The following ADTRP variants were observed in gnomAD, a reference collection of about 807,000 sequenced individuals.
ADTRP encodes androgen-dependent TFPI-regulating protein.
In ADTRP, 20 loss-of-function variants were observed where a neutral mutation model predicts 27.0. That is an observed-to-expected ratio of 0.74 (90% CI 0.52 to 1.08). The LOEUF (loss-of-function observed/expected upper bound fraction) is 1.08, where lower values mean the gene tolerates loss of function less well. ADTRP is among the 50% of genes least tolerant of loss of function. ADTRP has a pLI of 0.00. For missense variants in ADTRP, 251 were observed against 275.0 expected (o/e 0.91, Z 0.62); for synonymous variants, 101 against 105.2 (o/e 0.96, Z 0.25).
intron 3 of ADTRP, among the ~76,000 whole-genome samples, chr6:11,758,282 C>T (rs1033439644): frequency 6.6e-6 from 1 of 152,102 alleles, no homozygotes; most frequent in East Asian, 1.9e-4. Flanking sequence ...GTGCCCAGCA[C>T]ATGATGAGAT....
At chr6:11,739,541 A>G (rs2113912111) in intron 3 of ADTRP, among the ~76,000 whole-genome samples, 1 of 151,900 alleles carries the variant, frequency 6.6e-6, no homozygotes, top group Middle Eastern at 3.4e-3. Context: ...GTATTAGTGT[A>G]ATAATCACAG....
At chr6:11,717,643 T>C (rs1242253802) in intron 5 of ADTRP, among the ~76,000 whole-genome samples, 1 of 151,950 alleles carries the variant, frequency 6.6e-6, no homozygotes, top group Non-Finnish European at 1.5e-5. Context: ...GGCAAGAAAA[T>C]TGATGGTTGG....
chr6:11,758,970 C>T (rs369194939), intron 3 of ADTRP, among the ~76,000 whole-genome samples: 202 of 152,308 alleles, frequency 1.3e-3, no homozygotes, highest in African/African-American at 4.8e-3. Flanking sequence ...GATCAACTTG[C>T]CCTGCTCATG....
At chr6:11,726,195 G>C (rs1313357447) in intron 4 of ADTRP, among the ~76,000 whole-genome samples, 1 of 152,234 alleles carries the variant, frequency 6.6e-6, no homozygotes, top group Non-Finnish European at 1.5e-5. Flanking sequence ...CAGATTCATA[G>C]AGGGAGAAAG....
rs902553818 is a variant in ADTRP, at chr6:11,769,963, A to G, written c.154-1580T>C. 3 of 1,496,836 alleles carry G rather than the reference A, an allele frequency of 2.0e-6. No individual in the cohort carries two copies. The African/African-American group carries it at 4.2e-5, about 21-fold the overall frequency. The allele number at this position is 1,496,836 out of a possible 1,614,324, so 92.7% of individuals were successfully genotyped here. A position where few individuals can be genotyped will look rare whatever the true frequency, so the allele number is the denominator to read the frequency against. ...TGAACTGTGTTTCATTCTCATAACA[A>G]CCTTACGAGCCAAGTCCTATCATTA... On this transcript the variant is annotated intron_variant, in intron 1 of 5. Transcript: ENST00000414691.
intron 4 of ADTRP, 110 bp downstream of exon 4, chr6:11,735,458 C>A: frequency 1.3e-6 from 1 of 740,974 alleles, no homozygotes; most frequent in Non-Finnish European, 2.2e-6. Context: ...ATGATTAAAT[C>A]CTTATTAAAC....
At chr6:11,762,125 T>C (rs1337126032) in intron 3 of ADTRP, among the ~76,000 whole-genome samples, 1 of 152,196 alleles carries the variant, frequency 6.6e-6, no homozygotes, top group Non-Finnish European at 1.5e-5. Flanking sequence ...AACTAGAAGA[T>C]TTTAAGTTTT....
chr6:11,751,327 T>C (rs896284860), intron 3 of ADTRP, among the ~76,000 whole-genome samples: 6 of 152,226 alleles, frequency 3.9e-5, no homozygotes, highest in Non-Finnish European at 5.9e-5. Context: ...TGTATTCCTA[T>C]ATGTCAGGAT....
Position 11,723,317 on chromosome 6 carries a change from C to T in ADTRP, c.658+32G>A, listed in dbSNP as rs200526462. On this transcript the variant is annotated intron_variant, in intron 5 of 5. Coordinates refer to ENST00000414691, the MANE Select transcript of ADTRP (RefSeq NM_032744.4). ...AGGGGAGAGGCAGACACGGAAGAAG[C>T]GCATCTGTAGCTAAGAAAGAAATAC... 2.8e-4 allele frequency: 446 copies of T among 1,608,642 alleles called. 1 individual carries two copies. The highest frequency in any genetic ancestry group is 3.5e-4 in the Non-Finnish European group (414 of 1,177,648).
chr6:11,769,320 G>A (rs897330520), intron 1 of ADTRP, among the ~76,000 whole-genome samples: 1 of 152,150 alleles, frequency 6.6e-6, no homozygotes, highest in African/African-American at 2.4e-5. Context: ...AGCCTGGGGA[G>A]CTGGGCTGGG....
chr6:11,758,577 G>GGGT (rs1554114782), intron 3 of ADTRP, among the ~76,000 whole-genome samples: 4 of 120,468 alleles, frequency 3.3e-5, no homozygotes, highest in South Asian at 3.8e-4. Context: ...TTGTGGGGTG[G>GGGT]GGGGGGGGGA....
chr6:11,766,424 A>G, intron 2 of ADTRP, 49 bp from the exon 3 acceptor site: 1 of 1,382,704 alleles, frequency 7.2e-7, no homozygotes, highest in South Asian at 1.2e-5. Context: ...GTTTTTAATC[A>G]GAGCTTTCTA....
At chr6:11,718,626 G>C (rs760593043) in intron 5 of ADTRP, among the ~76,000 whole-genome samples, 12 of 152,136 alleles carry the variant, frequency 7.9e-5, no homozygotes, top group African/African-American at 2.9e-4. Flanking sequence ...TCCCCCATCT[G>C]CTTCTATCAT....
chr6:11,721,005 C>T (rs1486812300), intron 5 of ADTRP, among the ~76,000 whole-genome samples: 3 of 152,142 alleles, frequency 2.0e-5, no homozygotes, highest in Non-Finnish European at 2.9e-5. Context: ...ACAAGACATA[C>T]CCCTAATTCG....
Position 11,713,916 on chromosome 6 carries a change from G to A in ADTRP, c.*562C>T, listed in dbSNP as rs2063151963. 6.6e-6 allele frequency: 1 copy of A among 151,946 alleles called. No individual in the cohort carries two copies. The highest frequency in any genetic ancestry group is 2.1e-4 in the South Asian group (1 of 4,822). 9.4% of individuals were successfully genotyped at this position (151,946 alleles called of 1,614,324 possible). On this transcript the variant is annotated 3_prime_UTR_variant, in exon 6 of 6. Coordinates refer to ENST00000414691, the MANE Select transcript of ADTRP (RefSeq NM_032744.4). ...TTTTAGATCACTGAAAAAAATGGAT[G>A]AGCAACCCATGAAAATAACTAGCTT...
intron 4 of ADTRP, among the ~76,000 whole-genome samples, chr6:11,727,898 G>A: frequency 6.9e-6 from 1 of 145,524 alleles, no homozygotes; most frequent in Non-Finnish European, 1.5e-5. Flanking sequence ...AAGGTGGGAA[G>A]AGAGAGGGGA....
At chr6:11,726,403 G>A (rs191047969) in intron 4 of ADTRP, among the ~76,000 whole-genome samples, 1 of 152,270 alleles carries the variant, frequency 6.6e-6, no homozygotes, top group East Asian at 1.9e-4. Context: ...TGCTGTTCTT[G>A]TGATAGTAAG....
intron 2 of ADTRP, chr6:11,767,793 G>T (rs1319826832): frequency 6.5e-6 from 1 of 153,682 alleles, no homozygotes; most frequent in Non-Finnish European, 1.4e-5. Context: ...ACCTTTGAAG[G>T]TCTCATATCT....
chr6:11,744,323 T>C (rs554745551), intron 3 of ADTRP, among the ~76,000 whole-genome samples: 13 of 152,338 alleles, frequency 8.5e-5, no homozygotes, highest in African/African-American at 3.1e-4. Context: ...CTCTTTTCTT[T>C]GTAAATTATC....
Sources: gnomAD v4.1 joint callset for allele counts (sites outside exome capture counted in the v4.1 genomes callset) on GRCh38, gnomAD v4.1.1 for gene constraint, MANE v1.5 for transcripts, NCBI Gene and HGNC (gene_info 2026-07-23, HGNC 2026-07-21) for gene names.